The following CTSS variants were observed in gnomAD, a reference collection of about 807,000 sequenced individuals.
CTSS encodes cathepsin S.
In CTSS, 15 loss-of-function variants were observed where a neutral mutation model predicts 39.9. The observed-to-expected ratio is 0.38, with a 90% CI of 0.25 to 0.58. CTSS has a LOEUF of 0.58. Ranked by LOEUF, CTSS falls within the 20% of genes least tolerant of loss-of-function variation. The pLI, the probability that CTSS is intolerant of heterozygous loss-of-function variation, is 0.70. For synonymous variants in CTSS, 126 were observed against 138.2 expected, an observed-to-expected ratio of 0.91 and a Z score of 0.62; for missense variants, 250 against 398.2, an observed-to-expected ratio of 0.63 and a Z score of 3.17.
intron 3 of CTSS, among the ~76,000 whole-genome samples, chr1:150,756,982 C>T (rs1178590321): frequency 6.6e-6 from 1 of 152,116 alleles, no homozygotes; most frequent in East Asian, 1.9e-4. Flanking sequence ...TCCCAAAGTG[C>T]TGGGATTACA....
intron 4 of CTSS, among the ~76,000 whole-genome samples, chr1:150,752,925 C>A (rs61386199): frequency 0.15 from 23,474 of 152,128 alleles, 2,122 homozygotes; most frequent in Non-Finnish European, 0.2. Flanking sequence ...GTGATCATGG[C>A]TCACTGTAGC....
At chr1:150,740,750 A>ATG (rs1652734131) in intron 7 of CTSS, among the ~76,000 whole-genome samples, 1 of 150,536 alleles carries the variant, frequency 6.6e-6, no homozygotes, top group Non-Finnish European at 1.5e-5. Flanking sequence ...GAGTTGAGTG[A>ATG]TGTGATCATG....
intron 2 of CTSS, among the ~76,000 whole-genome samples, chr1:150,759,436 T>C (rs1653205428): frequency 1.3e-5 from 2 of 152,172 alleles, no homozygotes; most frequent in Admixed American, 6.5e-5. Context: ...TTTTTCTTTT[T>C]ATTTCTAGGT....
intron 2 of CTSS, among the ~76,000 whole-genome samples, chr1:150,758,580 G>A (rs1653182824): frequency 6.6e-6 from 1 of 151,688 alleles, no homozygotes; most frequent in Non-Finnish European, 1.5e-5. Flanking sequence ...TCACTCGGCT[G>A]GATGGAGTGC....
chr1:150,746,454 T>A (rs1328390915), intron 7 of CTSS, among the ~76,000 whole-genome samples: 3 of 152,190 alleles, frequency 2.0e-5, no homozygotes, highest in Admixed American at 6.5e-5. Flanking sequence ...GCTGCGGATA[T>A]GAAGACCAGA....
At chr1:150,743,480 C>T (rs905430201) in intron 7 of CTSS, among the ~76,000 whole-genome samples, 12 of 128,278 alleles carry the variant, frequency 9.4e-5, no homozygotes, top group Non-Finnish European at 1.9e-4. Flanking sequence ...AATCCCAACA[C>T]TTTGGGAGGC....
rs1055935209 is a variant in CTSS, at chr1:150,730,662, C to T, written c.*2384G>A. On this transcript the variant is annotated 3_prime_UTR_variant, in exon 8 of 8. Transcript: ENST00000368985. The stretch of plus-strand genomic sequence containing the variant: ...TGTATTTTGTGTAGGGTGTCCTGAA[C>T]CCCGTCACTAACCTCTAACTGAAAG... The T allele has an allele frequency of 2.0e-5, 3 of 152,180 alleles. No homozygotes were observed. Among genetic ancestry groups the T allele is most frequent in the Non-Finnish European group, 4.4e-5 (3 of 68,034 alleles). The allele number at this position is 152,180 out of a possible 1,614,324, so 9.4% of individuals were successfully genotyped here. A position where few individuals can be genotyped will look rare whatever the true frequency, so the allele number is the denominator to read the frequency against.
chr1:150,737,661 C>G (rs587615188), intron 7 of CTSS, among the ~76,000 whole-genome samples: 7 of 152,296 alleles, frequency 4.6e-5, no homozygotes, highest in African/African-American at 1.7e-4. Context: ...GTGCCAGACA[C>G]TCTTCTAGGC....
At chr1:150,752,613 G>A (rs886545923) in intron 4 of CTSS, among the ~76,000 whole-genome samples, 3 of 152,056 alleles carry the variant, frequency 2.0e-5, no homozygotes, top group African/African-American at 7.2e-5. Flanking sequence ...CTCCCACCTT[G>A]CTCTCCACCA....
At chr1:150,755,443 A>C (rs1295857644) in intron 3 of CTSS, among the ~76,000 whole-genome samples, 4 of 152,132 alleles carry the variant, frequency 2.6e-5, no homozygotes, top group Non-Finnish European at 4.4e-5. Context: ...ATACAGTATA[A>C]AAAGTAAAAA....
At chr1:150,739,919 C>T (rs1652713427) in intron 7 of CTSS, among the ~76,000 whole-genome samples, 1 of 152,088 alleles carries the variant, frequency 6.6e-6, no homozygotes, top group Non-Finnish European at 1.5e-5. Context: ...TCCAGTGCAA[C>T]CTATGCCACC....
intron 2 of CTSS, among the ~76,000 whole-genome samples, chr1:150,762,272 C>A (rs1653282894): frequency 6.6e-6 from 1 of 152,104 alleles, no homozygotes. Flanking sequence ...ATACAATAAT[C>A]AACTCAAAAT....
chr1:150,747,657 T>C, intron 7 of CTSS, 120 bp downstream of exon 7: 1 of 692,698 alleles, frequency 1.4e-6, no homozygotes, highest in Non-Finnish European at 2.5e-6. Flanking sequence ...TGTAAGAAGC[T>C]ATAAAGTTCA....
intron 7 of CTSS, among the ~76,000 whole-genome samples, chr1:150,743,604 AAT>A (rs1365591781): frequency 9.6e-6 from 1 of 103,756 alleles, no homozygotes; most frequent in African/African-American, 3.2e-5. Context: ...ATGTATACAT[AAT>A]ATATTATATA....
Position 150,747,945 on chromosome 1 carries a change from C to T in CTSS, c.794-66G>A, listed in dbSNP as rs896960342. On this transcript the variant is annotated intron_variant, in intron 6 of 7. Coordinates refer to ENST00000368985, the MANE Select transcript of CTSS (RefSeq NM_004079.5). ...TAGGATAATAAAGGGCATTTTAAAA[C>T]GGTATTACTTTTTATTAGCCTGCTT... The T allele has an allele frequency of 2.8e-5, 30 of 1,078,470 alleles. No individual in the cohort carries two copies. The Admixed American group carries it at 2.8e-4, about 10-fold the overall frequency. The allele number at this position is 1,078,470 out of a possible 1,614,324, so 66.8% of individuals were successfully genotyped here.
chr1:150,742,939 G>A (rs1209254874), intron 7 of CTSS, among the ~76,000 whole-genome samples: 1 of 152,120 alleles, frequency 6.6e-6, no homozygotes, highest in Non-Finnish European at 1.5e-5. Context: ...GTAGTAGGGT[G>A]ATGTAGGTGG....
rs1214709706 is a variant in CTSS, at chr1:150,741,734, G to A, written c.896+6043C>T. On this transcript the variant is annotated intron_variant, in intron 7 of 7. Transcript: ENST00000368985. ...TACTAAAAATACAAAAATTAGCCAG[G>A]TGTTTTGGTGGGCACCTGTAATCTC... Among the ~76,000 whole-genome samples, 3 of 151,878 alleles carry A rather than the reference G, an allele frequency of 2.0e-5. No individual in the cohort carries two copies. In the East Asian group the frequency reaches 5.8e-4, roughly 29 times the overall value.
intron 7 of CTSS, among the ~76,000 whole-genome samples, chr1:150,739,015 C>CTCCATCCAACATGGT (rs1652691255): frequency 1.3e-5 from 2 of 151,766 alleles, no homozygotes; most frequent in Non-Finnish European, 2.9e-5. Flanking sequence ...GCCAACATGG[C>CTCCATCCAACATGGT]GAAACCCCGT....
intron 2 of CTSS, 23 bp from the exon 3 acceptor site, chr1:150,758,003 A>G (rs587756231): frequency 6.2e-7 from 1 of 1,609,538 alleles, no homozygotes; most frequent in East Asian, 2.2e-5. Context: ...GAAGAAGAAC[A>G]TAGTCATACT....
Sources: allele counts gnomAD v4.1 joint callset (sites outside exome capture counted in the v4.1 genomes callset), GRCh38; gene constraint gnomAD v4.1.1; transcripts MANE v1.5; gene names NCBI Gene and HGNC (gene_info 2026-07-23, HGNC 2026-07-21).